The following CNOT6L variants were observed in gnomAD, a reference collection of about 807,000 sequenced individuals.
CNOT6L encodes the protein CCR4-NOT transcription complex subunit 6 like, also known as CCR4-NOT transcription complex subunit 6-like.
A neutral mutation model predicts 64.0 loss-of-function variants in CNOT6L; 7 were observed. The ratio of observed to expected loss-of-function variants is 0.11; its 90% CI spans 0.06 to 0.21. CNOT6L has a LOEUF of 0.21. Ranked by LOEUF, CNOT6L falls within the 10% of genes least tolerant of loss-of-function variation. The pLI, the probability that CNOT6L is intolerant of heterozygous loss-of-function variation, is 1.00. For synonymous variants in CNOT6L, 193 were observed against 243.4 expected (o/e 0.79, Z 1.93); for missense variants, 245 against 669.0 (o/e 0.37, Z 6.99).
Position 77,759,530 on chromosome 4 carries a change from A to G in CNOT6L, c.401-2579T>C, listed in dbSNP as rs538917125. On this transcript the variant is annotated intron_variant, in intron 4 of 11. Coordinates refer to ENST00000504123, the MANE Select transcript of CNOT6L (RefSeq NM_144571.3). ...CAGTGAGCCGAGATTGCGCCACTGC[A>G]CTCCAGCCTGGGCGACACAGCGTGA... 7.5e-4 allele frequency among the ~76,000 whole-genome samples: 113 copies of G among 151,672 alleles called. 3 individuals are homozygous for G. The highest frequency in any genetic ancestry group is 3.4e-3 in the Middle Eastern group (1 of 294).
intron 1 of CNOT6L, among the ~76,000 whole-genome samples, chr4:77,793,407 C>G (rs1730403258): frequency 6.6e-6 from 1 of 152,184 alleles, no homozygotes; most frequent in South Asian, 2.1e-4. Context: ...TCAGTAATCA[C>G]AACTTTTAAG....
At chr4:77,751,281 A>AT (rs1310673636) in intron 5 of CNOT6L, among the ~76,000 whole-genome samples, 3 of 152,222 alleles carry the variant, frequency 2.0e-5, no homozygotes, top group Admixed American at 1.3e-4. Context: ...GCACAATAAT[A>AT]AAGATGCCAA....
At chr4:77,819,002 A>T (rs1344223147) in intron 1 of CNOT6L, 2 of 668,710 alleles carry the variant, frequency 3.0e-6, no homozygotes, top group African/African-American at 1.8e-5. Context: ...GCAGCCACAA[A>T]GCGGGAGGGA....
In CNOT6L at chr4:77,715,714, G is replaced by A. The variant is rs1720675169; in HGVS notation, c.*4717C>T. 6.6e-6 allele frequency: 1 copy of A among 152,236 alleles called. No individual in the cohort carries two copies. Among genetic ancestry groups the A allele is most frequent in the South Asian group, 2.1e-4 (1 of 4,804 alleles). The allele number at this position is 152,236 out of a possible 1,614,324, so 9.4% of individuals were successfully genotyped here. On this transcript the variant is annotated 3_prime_UTR_variant, in exon 12 of 12. Coordinates refer to ENST00000504123, the MANE Select transcript of CNOT6L (RefSeq NM_144571.3). Reference sequence around the variant, plus strand: ...ACTGCTTTTTTTTCTTTCTTTCTGTGAATCTTGTTCAAGACATCCTGTAGT... The same window carrying A: ...ACTGCTTTTTTTTCTTTCTTTCTGTAAATCTTGTTCAAGACATCCTGTAGT...
At chr4:77,809,021 G>C (rs1413642039) in intron 1 of CNOT6L, among the ~76,000 whole-genome samples, 2 of 152,128 alleles carry the variant, frequency 1.3e-5, no homozygotes, top group Non-Finnish European at 2.9e-5. Context: ...TTTTACTACA[G>C]ATGTGCCAGG....
intron 1 of CNOT6L, among the ~76,000 whole-genome samples, chr4:77,808,428 C>A (rs1016527199): frequency 6.8e-6 from 1 of 146,924 alleles, no homozygotes; most frequent in South Asian, 2.1e-4. Context: ...TGCCACTGCA[C>A]TCCAGCCTGG....
chr4:77,759,274 G>A (rs1225940768), intron 4 of CNOT6L, among the ~76,000 whole-genome samples: 1 of 151,458 alleles, frequency 6.6e-6, no homozygotes. Context: ...TTTAAAACGA[G>A]ATGGGTTGTG....
intron 8 of CNOT6L, among the ~76,000 whole-genome samples, chr4:77,736,428 T>C (rs996159698): frequency 6.6e-6 from 1 of 152,196 alleles, no homozygotes; most frequent in African/African-American, 2.4e-5. Flanking sequence ...CTGTAATAAA[T>C]TTACAATATA....
At position 77,716,241 on chromosome 4, in the gene CNOT6L, T is replaced by C. The variant is rs1014379938; in HGVS notation, c.*4190A>G. 2 of 152,120 alleles carry C rather than the reference T, an allele frequency of 1.3e-5. No homozygotes were observed. The highest frequency in any genetic ancestry group is 2.4e-5 in the African/African-American group (1 of 41,452). The allele number at this position is 152,120 out of a possible 1,614,324, so 9.4% of individuals were successfully genotyped here. On this transcript the variant is annotated 3_prime_UTR_variant, in exon 12 of 12. Transcript: ENST00000504123. ...AATGTGCCATAAAGTCTTTGCTTGC[T>C]ATAAAAACCATTATTTTCCAAAAAC...
chr4:77,738,628 C>T (rs1159731690), intron 8 of CNOT6L, among the ~76,000 whole-genome samples: 1 of 151,730 alleles, frequency 6.6e-6, no homozygotes, highest in Non-Finnish European at 1.5e-5. Context: ...TGGCGCATGC[C>T]TGTAATCCCA....
intron 8 of CNOT6L, among the ~76,000 whole-genome samples, chr4:77,735,136 T>C (rs1722808974): frequency 6.6e-6 from 1 of 152,158 alleles, no homozygotes; most frequent in Non-Finnish European, 1.5e-5. Flanking sequence ...TCCAGGGATG[T>C]GGGCCCCTTG....
At chr4:77,782,261 ATC>A (rs1728945457) in intron 1 of CNOT6L, among the ~76,000 whole-genome samples, 1 of 152,174 alleles carries the variant, frequency 6.6e-6, no homozygotes, top group Non-Finnish European at 1.5e-5. Flanking sequence ...GTCTGTGTTT[ATC>A]TTGCTTAACA....
intron 7 of CNOT6L, among the ~76,000 whole-genome samples, chr4:77,743,204 T>C (rs546543590): frequency 5.7e-4 from 87 of 152,280 alleles, no homozygotes; most frequent in African/African-American, 2.0e-3. Flanking sequence ...TTTTCAAAAT[T>C]TTCAACTTCT....
chr4:77,746,264 A>G (rs1724189129), intron 6 of CNOT6L, among the ~76,000 whole-genome samples: 1 of 152,202 alleles, frequency 6.6e-6, no homozygotes, highest in South Asian at 2.1e-4. Flanking sequence ...AGAATGAACC[A>G]GCAATTTTTA....
intron 8 of CNOT6L, among the ~76,000 whole-genome samples, chr4:77,737,390 C>T (rs1577930869): frequency 1.4e-5 from 2 of 146,280 alleles, no homozygotes; most frequent in South Asian, 4.3e-4. Context: ...AAATAACATC[C>T]TATATTTGTA....
At position 77,726,329 on chromosome 4, in the gene CNOT6L, G is replaced by T. The variant is rs1721844910; in HGVS notation, c.1293C>A (p.Asn431Lys). The change falls in exon 11 of 12, where the codon AAC becomes AAA. Residue 431 changes from asparagine (N) to lysine (K), a missense_variant. Coordinates refer to ENST00000504123, the MANE Select transcript of CNOT6L (RefSeq NM_144571.3). ...ACCTTAGTTCCTTGAAGTCTTTATGGTTGTCAGCTACTCCTCCATTGCTTA... is the reference window on the plus strand; with the variant it reads ...ACCTTAGTTCCTTGAAGTCTTTATGTTTGTCAGCTACTCCTCCATTGCTTA... ...EYLSNGGVAD[N>K]HKDFKELRYN... 6 of 1,613,414 alleles carry T rather than the reference G, an allele frequency of 3.7e-6. No individual in the cohort carries two copies. The highest frequency in any genetic ancestry group is 5.1e-6 in the Non-Finnish European group (6 of 1,179,632).
chr4:77,804,150 G>A (rs1006102188), intron 1 of CNOT6L, among the ~76,000 whole-genome samples: 1 of 151,888 alleles, frequency 6.6e-6, no homozygotes, highest in South Asian at 2.1e-4. Context: ...AATATTGGCC[G>A]GGCACAGTGG....
At chr4:77,773,660 AAAAC>A (rs890466287) in intron 3 of CNOT6L, among the ~76,000 whole-genome samples, 1 of 152,200 alleles carries the variant, frequency 6.6e-6, no homozygotes, top group African/African-American at 2.4e-5. Context: ...AAATACTAAG[AAAAC>A]AAACCAAAAA....
At chr4:77,776,743 T>C (rs1728185398) in intron 1 of CNOT6L, among the ~76,000 whole-genome samples, 1 of 152,216 alleles carries the variant, frequency 6.6e-6, no homozygotes, top group Non-Finnish European at 1.5e-5. Context: ...AATAAGGTAA[T>C]TCTATCCTCC....
Sources: allele counts gnomAD v4.1 joint callset (sites outside exome capture counted in the v4.1 genomes callset), GRCh38; gene constraint gnomAD v4.1.1; transcripts MANE v1.5; gene names NCBI Gene and HGNC (gene_info 2026-07-23, HGNC 2026-07-21).